UAP1: variants seen among roughly 807,000 people sequenced by gnomAD.
UAP1 encodes the protein UDP-N-acetylhexosamine pyrophosphorylase.
Under a neutral mutation model 58.5 loss-of-function variants are expected in UAP1, and 25 were observed. That is an observed-to-expected ratio of 0.43 (90% confidence interval 0.31 to 0.60). The LOEUF (loss-of-function observed/expected upper bound fraction) is 0.60. UAP1 is among the 20% of genes least tolerant of loss of function. The pLI, the probability that UAP1 is intolerant of heterozygous loss-of-function variation, is 0.11. For missense variants in UAP1, 575 were observed against 630.0 expected (o/e 0.91, Z 0.93); for synonymous variants, 208 against 213.0 (o/e 0.98, Z 0.21).
chr1:162,585,795 A>G (rs997411656), intron 5 of UAP1, among the ~76,000 whole-genome samples: 26 of 151,904 alleles, frequency 1.7e-4, no homozygotes, highest in African/African-American at 4.6e-4. Flanking sequence ...AAAAAAAAAA[A>G]AGAGAGAGAA....
intron 3 of UAP1, among the ~76,000 whole-genome samples, chr1:162,578,966 A>G (rs1386804552): frequency 6.6e-6 from 1 of 152,202 alleles, no homozygotes; most frequent in Non-Finnish European, 1.5e-5. Context: ...GACAACAGAA[A>G]GTATAATTAT....
chr1:162,574,391 C>T (rs1354940886), intron 2 of UAP1, among the ~76,000 whole-genome samples: 1 of 152,138 alleles, frequency 6.6e-6, no homozygotes, highest in Non-Finnish European at 1.5e-5. Flanking sequence ...CTGCACCTGG[C>T]CGGGTTTATT....
At chr1:162,567,391 GTGTT>G (rs1435510940) in intron 2 of UAP1, among the ~76,000 whole-genome samples, 2 of 152,182 alleles carry the variant, frequency 1.3e-5, no homozygotes, top group Non-Finnish European at 2.9e-5. Context: ...TGATCAATAA[GTGTT>G]TGTTGAATTG....
intron 3 of UAP1, among the ~76,000 whole-genome samples, chr1:162,577,952 A>T (rs1654312199): frequency 6.6e-6 from 1 of 151,788 alleles, no homozygotes; most frequent in Admixed American, 6.6e-5. Flanking sequence ...TCTGGTCTCA[A>T]ATTCCTGAGC....
intron 2 of UAP1, among the ~76,000 whole-genome samples, chr1:162,571,253 C>G (rs932230491): frequency 6.6e-6 from 1 of 151,926 alleles, no homozygotes; most frequent in Non-Finnish European, 1.5e-5. Context: ...CTCAGCCTCC[C>G]CAGTAGCTGA....
chr1:162,583,420 T>A (rs563808711), intron 5 of UAP1, among the ~76,000 whole-genome samples: 7 of 152,208 alleles, frequency 4.6e-5, no homozygotes, highest in Admixed American at 6.5e-5. Context: ...CCCAAAGTGC[T>A]GGGATTACAG....
At chr1:162,591,789 CT>C (rs879315624) in intron 8 of UAP1, among the ~76,000 whole-genome samples, 1,955 of 136,754 alleles carry the variant, frequency 0.014, 20 homozygotes, top group African/African-American at 0.04. Flanking sequence ...TCTGGCCAAT[CT>C]TTTTTTTTTT....
chr1:162,565,028 C>T (rs1372318978), intron 1 of UAP1, among the ~76,000 whole-genome samples: 3 of 152,116 alleles, frequency 2.0e-5, no homozygotes, highest in Non-Finnish European at 4.4e-5. Flanking sequence ...GTTACCACAT[C>T]TGGCTAATTT....
chr1:162,587,357 T>C (rs573098225), intron 5 of UAP1, 118 bp from the exon 6 acceptor site: 1 of 894,686 alleles, frequency 1.1e-6, no homozygotes, highest in Admixed American at 2.6e-5. Flanking sequence ...TAAAGATTCT[T>C]CTTGGCTTTA....
At chr1:162,596,779 G>A (rs1655646513) in intron 9 of UAP1, among the ~76,000 whole-genome samples, 1 of 152,108 alleles carries the variant, frequency 6.6e-6, no homozygotes, top group African/African-American at 2.4e-5. Context: ...ACGTACTTGG[G>A]GAAAGCACAG....
intron 10 of UAP1, 94 bp from the exon 11 acceptor site, chr1:162,599,177 G>T: frequency 3.0e-6 from 2 of 671,686 alleles, no homozygotes; most frequent in South Asian, 2.2e-5. Context: ...AACCTTTTTT[G>T]GCATTTGTGC....
At chr1:162,564,950 C>A (rs905768331) in intron 1 of UAP1, among the ~76,000 whole-genome samples, 3 of 152,090 alleles carry the variant, frequency 2.0e-5, no homozygotes, top group African/African-American at 7.2e-5. Context: ...CTCATTGTAG[C>A]CTCGACCTTC....
intron 10 of UAP1, among the ~76,000 whole-genome samples, chr1:162,598,958 G>A (rs889033414): frequency 6.6e-6 from 1 of 151,970 alleles, no homozygotes; most frequent in Non-Finnish European, 1.5e-5. Context: ...GGGGGTTGCA[G>A]TGAGCATAGG....
intron 7 of UAP1, among the ~76,000 whole-genome samples, chr1:162,589,272 TA>T (rs1328760497): frequency 1.9e-4 from 25 of 130,512 alleles, no homozygotes; most frequent in Non-Finnish European, 3.3e-4. Flanking sequence ...TATTTATTTA[TA>T]ATATATATAA....
chr1:162,566,088 A>G, exon 2 of UAP1: 1 of 1,612,236 alleles, frequency 6.2e-7, no homozygotes, highest in Non-Finnish European at 8.5e-7. Context: ...AATGACCTCA[A>G]ACTCACGTTG....
chr1:162,566,444 C>T (rs1002399282), intron 2 of UAP1, 96 bp downstream of exon 2: 3 of 1,290,238 alleles, frequency 2.3e-6, no homozygotes, highest in African/African-American at 3.0e-5. Flanking sequence ...TTGATTCATA[C>T]TACATTAAAC....
chr1:162,570,205 A>T lies in UAP1; in HGVS notation c.280+3857A>T, dbSNP rs77525331. ...AATTGGAAAATACTAAAAATTACAA[A>T]GGAAAAAATACTAATCTCTCTGATT... On this transcript the variant is annotated intron_variant, in intron 2 of 10. Transcript: ENST00000271469. Among the ~76,000 whole-genome samples, 1,387 of 152,282 alleles carry T rather than the reference A, an allele frequency of 9.1e-3. 23 individuals are homozygous for T. The highest frequency in any genetic ancestry group is 0.032 in the African/African-American group (1,328 of 41,552).
At chr1:162,572,401 T>A (rs1461404937) in intron 2 of UAP1, among the ~76,000 whole-genome samples, 1 of 152,184 alleles carries the variant, frequency 6.6e-6, no homozygotes, top group Non-Finnish European at 1.5e-5. Context: ...TAGAAAGCAC[T>A]GAATTGATGT....
rs34447708 is a variant in UAP1 at position 162,590,031 on chromosome 1, GT to G, written c.1170-279del. Reference sequence around the variant, plus strand: ...CATTTCTAAATCATTTTTTTTGCCTGTTTTTTTTTTTTTCCAGAACAGATAC... The same window carrying G: ...CATTTCTAAATCATTTTTTTTGCCTGTTTTTTTTTTTTCCAGAACAGATAC... On this transcript the variant is annotated intron_variant, in intron 7 of 10. Coordinates refer to ENST00000271469, the Ensembl canonical transcript of UAP1. 4.3e-3 allele frequency among the ~76,000 whole-genome samples: 616 copies of G among 144,842 alleles called. 5 individuals carry two copies. The highest frequency in any genetic ancestry group is 0.014 in the African/African-American group (545 of 39,358).
Sources: allele counts gnomAD v4.1 joint callset (sites outside exome capture counted in the v4.1 genomes callset), GRCh38; gene constraint gnomAD v4.1.1; transcripts MANE v1.5; gene names NCBI Gene and HGNC (gene_info 2026-07-23, HGNC 2026-07-21).